KLF7: variants seen among roughly 807,000 people sequenced by gnomAD.
KLF7 encodes the protein Krueppel-like factor 7.
Under a neutral mutation model 27.3 loss-of-function variants are expected in KLF7, and 2 were observed. That is an observed-to-expected ratio of 0.07 (90% confidence interval 0.03 to 0.23). The LOEUF (loss-of-function observed/expected upper bound fraction) is 0.23. KLF7 is among the 10% of genes least tolerant of loss of function. KLF7 has a pLI of 1.00. For missense variants in KLF7, 221 were observed against 394.1 expected, an observed-to-expected ratio of 0.56 and a Z score of 3.72; for synonymous variants, 165 against 162.4, an observed-to-expected ratio of 1.02 and a Z score of -0.12.
At chr2:207,169,926 A>G (rs1001424517), upstream of KLF7, among the ~76,000 whole-genome samples, 2 of 152,132 alleles carry the variant, frequency 1.3e-5, no homozygotes, top group African/African-American at 4.8e-5. Context: ...TTAAGACACA[A>G]CAATAATGAA....
intron 1 of KLF7, among the ~76,000 whole-genome samples, chr2:207,156,706 G>C (rs1274982581): frequency 6.6e-6 from 1 of 152,210 alleles, no homozygotes; most frequent in East Asian, 1.9e-4. Context: ...TAGGGTGAGG[G>C]AAAGCAAAGC....
At chr2:207,136,778 C>G (rs949878925) in intron 1 of KLF7, among the ~76,000 whole-genome samples, 4 of 152,176 alleles carry the variant, frequency 2.6e-5, no homozygotes, top group African/African-American at 4.8e-5. Context: ...AGCCACTAAT[C>G]AATCCCGGAA....
chr2:207,111,589 A>T (rs1207126522), intron 2 of KLF7, among the ~76,000 whole-genome samples: 1 of 152,172 alleles, frequency 6.6e-6, no homozygotes, highest in Non-Finnish European at 1.5e-5. Context: ...TGTGGCCATG[A>T]GAATTAGCAA....
Position 207,123,280 on chromosome 2 carries a change from C to T in KLF7, c.733+494G>A, listed in dbSNP as rs117593392. On this transcript the variant is annotated intron_variant, in intron 2 of 3. Coordinates refer to ENST00000309446, the MANE Select transcript of KLF7 (RefSeq NM_003709.4). ...ATGCCAATTAATTATAGAATGATCACATCTAATGAACTCTGAAACCCTCCT... is the reference window on the plus strand; with the variant it reads ...ATGCCAATTAATTATAGAATGATCATATCTAATGAACTCTGAAACCCTCCT... Among the ~76,000 whole-genome samples the T allele has an allele frequency of 7.2e-4, 109 of 152,310 alleles. 1 individual carries two copies. The East Asian group carries it at 0.02, about 28-fold the overall frequency.
In KLF7 at chr2:207,080,754, T is replaced by TA. The variant is rs1292686104; in HGVS notation, c.*458dup. Reference sequence around the variant, plus strand: ...TAAAAAGAAACATTAGTGCTACACATATGCAACTTTAAGATGCTGGATTCT... The same window carrying TA: ...TAAAAAGAAACATTAGTGCTACACATAATGCAACTTTAAGATGCTGGATTCT... On this transcript the variant is annotated 3_prime_UTR_variant, in exon 4 of 4. Coordinates refer to ENST00000309446, the MANE Select transcript of KLF7 (RefSeq NM_003709.4). 1 of 400,440 alleles carries TA rather than the reference T, an allele frequency of 2.5e-6. No individual in the cohort carries two copies. Among genetic ancestry groups the TA allele is most frequent in the Non-Finnish European group, 4.4e-6 (1 of 227,146 alleles). The allele number at this position is 400,440 out of a possible 1,614,324, so 24.8% of individuals were successfully genotyped here. A position where few individuals can be genotyped will look rare whatever the true frequency, so the allele number is the denominator to read the frequency against.
intron 1 of KLF7, among the ~76,000 whole-genome samples, chr2:207,136,203 C>T (rs1191976312): frequency 6.6e-6 from 1 of 152,176 alleles, no homozygotes; most frequent in Non-Finnish European, 1.5e-5. Context: ...GAACCACACT[C>T]TCAAAGACTC....
intron 2 of KLF7, among the ~76,000 whole-genome samples, chr2:207,097,675 ATGT>A: frequency 6.6e-6 from 1 of 152,228 alleles, no homozygotes; most frequent in Non-Finnish European, 1.5e-5. Flanking sequence ...TTTGTTTGAA[ATGT>A]TGGAGGAAGA....
the KLF7 span, among the ~76,000 whole-genome samples, chr2:207,172,431 G>C: frequency 4.6e-5 from 7 of 152,086 alleles, no homozygotes; most frequent in African/African-American, 1.2e-4. Context: ...ATTTTTGAAG[G>C]CTCCCATGTC....
intron 1 of KLF7, among the ~76,000 whole-genome samples, chr2:207,158,176 A>G (rs901465691): frequency 2.0e-5 from 3 of 152,170 alleles, no homozygotes; most frequent in South Asian, 2.1e-4. Context: ...CTGGGAGAGA[A>G]CTTTCACCAT....
chr2:207,094,657 G>A (rs1047848291), intron 2 of KLF7, among the ~76,000 whole-genome samples: 5 of 152,298 alleles, frequency 3.3e-5, no homozygotes, highest in South Asian at 2.1e-4. Flanking sequence ...CAGAGTAACC[G>A]GTGAATTTCA....
intron 2 of KLF7, among the ~76,000 whole-genome samples, chr2:207,115,989 T>C (rs564254543): frequency 5.9e-5 from 9 of 152,284 alleles, no homozygotes; most frequent in Non-Finnish European, 1.3e-4. Context: ...GGATCAGATA[T>C]TAGGTACTTA....
rs548512775 is a variant in KLF7 at position 207,093,369 on chromosome 2, C to T, written c.734-4788G>A. Among the ~76,000 whole-genome samples the T allele has an allele frequency of 1.5e-4, 23 of 152,312 alleles. No homozygotes were observed. In the South Asian group the frequency reaches 2.5e-3, roughly 17 times the overall value. ...GCTACCTCTCCAATATCATCTCCTA[C>T]GCTCCCCTCCCCGATTCACCACATT... On this transcript the variant is annotated intron_variant, in intron 2 of 3. Coordinates refer to ENST00000309446, the MANE Select transcript of KLF7 (RefSeq NM_003709.4).
chr2:207,105,131 G>A (rs1237640192), intron 2 of KLF7, among the ~76,000 whole-genome samples: 6 of 152,162 alleles, frequency 3.9e-5, no homozygotes. Context: ...AAAAATCGGT[G>A]TCACTTAACA....
intron 1 of KLF7, chr2:207,134,121 A>C (rs955833612): frequency 6.5e-7 from 1 of 1,529,544 alleles, no homozygotes; most frequent in Admixed American, 2.0e-5. Context: ...TCCTCTCCCA[A>C]ATCACTTGCA....
At chr2:207,154,549 T>C (rs1482701240) in intron 1 of KLF7, among the ~76,000 whole-genome samples, 1 of 152,200 alleles carries the variant, frequency 6.6e-6, no homozygotes, top group Non-Finnish European at 1.5e-5. Context: ...ATGCCCAGCA[T>C]TCCGCTTTCC....
chr2:207,165,320 G>A (rs2078675582), intron 1 of KLF7, 147 bp downstream of exon 1: 1 of 1,214,036 alleles, frequency 8.2e-7, no homozygotes. Context: ...GACTGTTTCA[G>A]AAAACATTTT....
At chr2:207,102,196 A>C (rs1158351990) in intron 2 of KLF7, among the ~76,000 whole-genome samples, 3 of 151,508 alleles carry the variant, frequency 2.0e-5, no homozygotes, top group African/African-American at 7.3e-5. Flanking sequence ...AACTCAGCAC[A>C]AACATATTGA....
At chr2:207,161,934 A>C (rs983454011) in intron 1 of KLF7, among the ~76,000 whole-genome samples, 1 of 152,222 alleles carries the variant, frequency 6.6e-6, no homozygotes, top group Non-Finnish European at 1.5e-5. Context: ...ATTATGAATC[A>C]GCATTAACAA....
At chr2:207,164,231 G>C (rs1357196204) in intron 1 of KLF7, among the ~76,000 whole-genome samples, 3 of 152,222 alleles carry the variant, frequency 2.0e-5, no homozygotes, top group Non-Finnish European at 4.4e-5. Context: ...GATCCCGGCA[G>C]AGGAAATTCA....
Sources: allele counts gnomAD v4.1 joint callset (sites outside exome capture counted in the v4.1 genomes callset), GRCh38; gene constraint gnomAD v4.1.1; transcripts MANE v1.5; gene names NCBI Gene and HGNC (gene_info 2026-07-23, HGNC 2026-07-21).